Variants in DES observed in about 807,000 individuals in gnomAD.
DES encodes the protein desmin, also known as cardiomyopathy, dilated 1F (autosomal dominant).
A neutral mutation model predicts 55.1 loss-of-function variants in DES; 34 were observed. That is an observed-to-expected ratio of 0.62 (90% CI 0.47 to 0.82). The LOEUF is 0.82. DES is among the 40% of genes least tolerant of loss of function. The pLI, the probability that DES is intolerant of heterozygous loss-of-function variation, is 0.00. For synonymous variants in DES, 259 were observed against 270.8 expected, an observed-to-expected ratio of 0.96 and a Z score of 0.43; for missense variants, 596 against 645.9, an observed-to-expected ratio of 0.92 and a Z score of 0.84.
rs1285469011 is a variant in DES, at chr2:219,420,018, G to C, written c.579-77G>C. 9.2e-6 allele frequency: 14 copies of C among 1,521,716 alleles called. No homozygotes were observed. The highest frequency in any genetic ancestry group is 2.0e-4 in the Middle Eastern group (1 of 5,020). The allele number at this position is 1,521,716 out of a possible 1,614,324, so 94.3% of individuals were successfully genotyped here. A position where few individuals can be genotyped will look rare whatever the true frequency, so the allele number is the denominator to read the frequency against. Reference sequence around the variant, plus strand: ...CCGCTCTGTCCTGGACCCACCCCCTGGTCAGCCCCCGGCCAGTCGTTTCCA... The same window carrying C: ...CCGCTCTGTCCTGGACCCACCCCCTCGTCAGCCCCCGGCCAGTCGTTTCCA... On this transcript the variant is annotated intron_variant, in intron 1 of 8. Transcript: ENST00000373960. The surrounding 1 kb of genome is among the most constrained non-coding windows in gnomAD (Gnocchi z 6.0).
At chr2:219,424,210 A>T (rs1444627873) in intron 7 of DES, among the ~76,000 whole-genome samples, 1 of 152,178 alleles carries the variant, frequency 6.6e-6, no homozygotes, top group Non-Finnish European at 1.5e-5. Flanking sequence ...TCTGTTTGGC[A>T]CATTGCCAAG....
chr2:219,421,666 A>AC, intron 6 of DES, 106 bp downstream of exon 6: 1 of 1,127,240 alleles, frequency 8.9e-7, no homozygotes, highest in Non-Finnish European at 1.3e-6. Context: ...AGACCTGGAA[A>AC]CAATTTTTTT....
rs773412069 is a variant in DES, at chr2:219,420,362, T to G, written c.735+16T>G. 6.2e-7 allele frequency: 1 copy of G among 1,613,462 alleles called. No homozygotes were observed. Among genetic ancestry groups the G allele is most frequent in the Non-Finnish European group, 8.5e-7 (1 of 1,179,686 alleles). ...GCATGAAGAGGTATACCTTGGCCCCTCTTCCTGGGGTCACTGGGCCATGGG... is the reference window on the plus strand; with the variant it reads ...GCATGAAGAGGTATACCTTGGCCCCGCTTCCTGGGGTCACTGGGCCATGGG... On this transcript the variant is annotated intron_variant, in intron 3 of 8. Transcript: ENST00000373960. The surrounding 1 kb of genome is among the most constrained non-coding windows in gnomAD (Gnocchi z 6.0).
At chr2:219,421,825 C>A (rs1306818929) in intron 6 of DES, among the ~76,000 whole-genome samples, 1 of 152,108 alleles carries the variant, frequency 6.6e-6, no homozygotes, top group Non-Finnish European at 1.5e-5. Context: ...TACCACCACG[C>A]CTGGCTAATT....
At chr2:219,421,888 A>G (rs1029838621) in intron 6 of DES, among the ~76,000 whole-genome samples, 1 of 151,660 alleles carries the variant, frequency 6.6e-6, no homozygotes, top group Non-Finnish European at 1.5e-5. Context: ...CTGGTCTCGA[A>G]CTCCTGACCT....
Position 219,418,832 on chromosome 2 carries a change from G to A in DES, c.370G>A (p.Glu124Lys). The change falls in exon 1 of 9, where the codon GAG becomes AAG. Residue 124 changes from glutamate to lysine, a missense_variant. By Grantham distance (56) the Glu-to-Lys change is moderately conservative. Coordinates refer to ENST00000373960, the MANE Select transcript of DES (RefSeq NM_001927.4). Reference sequence around the variant, plus strand: ...CAATGACCGCTTCGCCAACTACATCGAGAAGGTGCGCTTCCTGGAGCAGCA... The same window carrying A: ...CAATGACCGCTTCGCCAACTACATCAAGAAGGTGCGCTTCCTGGAGCAGCA... ...ELNDRFANYI[E>K]KVRFLEQQNA... The A allele has an allele frequency of 6.3e-7, 1 of 1,582,556 alleles. No homozygotes were observed. Among genetic ancestry groups the A allele is most frequent in the Non-Finnish European group, 8.6e-7 (1 of 1,164,054 alleles).
rs1954393194 is a variant in DES at position 219,419,448 on chromosome 2, G to C, written c.578+408G>C. Among the ~76,000 whole-genome samples, 1 of 152,106 alleles carries C rather than the reference G, an allele frequency of 6.6e-6. No homozygotes were observed. The highest frequency in any genetic ancestry group is 1.5e-5 in the Non-Finnish European group (1 of 68,014). ...GAGAAGGGAGGCTGATAGGAGACAGGGAAAGCAGGGCAAGGGCCCAGAGTC... is the reference window on the plus strand; with the variant it reads ...GAGAAGGGAGGCTGATAGGAGACAGCGAAAGCAGGGCAAGGGCCCAGAGTC... On this transcript the variant is annotated intron_variant, in intron 1 of 8. Transcript: ENST00000373960. The surrounding 1 kb of genome is among the most constrained non-coding windows in gnomAD (Gnocchi z 4.3).
In DES at chr2:219,420,339, A is replaced by G. The variant is rs1410266369; in HGVS notation, c.728A>G (p.His243Arg). ...NEEIAFLKKV[H>R]EEEIRELQAQ... ...GAGATCGCGTTCCTTAAGAAAGTGC[A>G]TGAAGAGGTATACCTTGGCCCCTCT... The change falls in exon 3 of 9, where the codon CAT (histidine) becomes CGT (arginine). Residue 243 changes from histidine to arginine, a missense_variant. Coordinates refer to ENST00000373960, the MANE Select transcript of DES (RefSeq NM_001927.4). This position sits in a 1 kb window ranked among gnomAD's most constrained non-coding sequence, Gnocchi z 6.0. The G allele has an allele frequency of 1.4e-5, 23 of 1,613,932 alleles. No individual in the cohort carries two copies. Among genetic ancestry groups the G allele is most frequent in the African/African-American group, 6.7e-5 (5 of 74,896 alleles).
chr2:219,418,842 G>A lies in DES; in HGVS notation c.380G>A (p.Arg127His). The A allele has an allele frequency of 6.3e-7, 1 of 1,582,414 alleles. No homozygotes were observed. Among genetic ancestry groups the A allele is most frequent in the East Asian group, 2.3e-5 (1 of 43,540 alleles). ...TTCGCCAACTACATCGAGAAGGTGC[G>A]CTTCCTGGAGCAGCAGAACGCGGCG... ...DRFANYIEKV[R>H]FLEQQNAALA... Residue 127 changes from arginine to histidine, a missense_variant, in exon 1 of 9, where the codon CGC becomes CAC. Physicochemically the swap from Arg to His is conservative, Grantham distance 29. Transcript: ENST00000373960.
At position 219,420,906 on chromosome 2, in the gene DES, C is replaced by T. The variant is rs794728987; in HGVS notation, c.976C>T (p.His326Tyr). The T allele has an allele frequency of 6.2e-7, 1 of 1,613,986 alleles. No individual in the cohort carries two copies. Among genetic ancestry groups the T allele is most frequent in the Non-Finnish European group, 8.5e-7 (1 of 1,180,002 alleles). The change falls in exon 5 of 9, where the codon CAC becomes TAC. Residue 326 changes from histidine to tyrosine, a missense_variant. Transcript: ENST00000373960. This position sits in a 1 kb window ranked among gnomAD's most constrained non-coding sequence, Gnocchi z 6.0. ...CAAGCAGGAGATGATGGAATACCGA[C>T]ACCAGATCCAGTCCTACACCTGCGA... ...QAKQEMMEYR[H>Y]QIQSYTCEID...
chr2:219,419,075 G>A lies in DES; in HGVS notation c.578+35G>A. 2 of 1,535,704 alleles carry A rather than the reference G, an allele frequency of 1.3e-6. No homozygotes were observed. The highest frequency in any genetic ancestry group is 1.2e-5 in the South Asian group (1 of 84,026). ...CGGCACCCCAGACTCCTCTTTCTGCGGGCAGGGCACAGGAGGCTAGGCCTG... is the reference window on the plus strand; with the variant it reads ...CGGCACCCCAGACTCCTCTTTCTGCAGGCAGGGCACAGGAGGCTAGGCCTG... On this transcript the variant is annotated intron_variant, in intron 1 of 8. Coordinates refer to ENST00000373960, the MANE Select transcript of DES (RefSeq NM_001927.4). The surrounding 1 kb of genome is among the most constrained non-coding windows in gnomAD (Gnocchi z 4.3).
chr2:219,421,209 G>C (rs1954434391), intron 5 of DES, 131 bp from the exon 6 acceptor site: 2 of 1,048,274 alleles, frequency 1.9e-6, no homozygotes, highest in African/African-American at 1.6e-5. Context: ...TTCACATATA[G>C]ACTTAATTTG....
intron 5 of DES, 134 bp downstream of exon 5, chr2:219,421,087 G>A: frequency 7.4e-7 from 1 of 1,343,120 alleles, no homozygotes; most frequent in Non-Finnish European, 1.0e-6. Context: ...GGTAAAACCA[G>A]ACAAGTGGAT....
In DES at chr2:219,421,326, C is replaced by T. The variant is rs1954436833; in HGVS notation, c.1024-14C>T. ...CTCTTCCCTTCCTTGACCTGGGTTC[C>T]CCCTCTCCTGCAGAACGATTCCCTG... On this transcript the variant is annotated splice_polypyrimidine_tract_variant and intron_variant, in intron 5 of 8. Coordinates refer to ENST00000373960, the MANE Select transcript of DES (RefSeq NM_001927.4). The T allele has an allele frequency of 1.2e-6, 2 of 1,613,798 alleles. No homozygotes were observed. Among genetic ancestry groups the T allele is most frequent in the African/African-American group, 2.7e-5 (2 of 74,900 alleles).
chr2:219,421,190 T>C, intron 5 of DES, 150 bp from the exon 6 acceptor site: 2 of 961,338 alleles, frequency 2.1e-6, no homozygotes, highest in Non-Finnish European at 3.2e-6. Context: ...ATCTATTTTA[T>C]TCTGAGTGTT....
intron 6 of DES, among the ~76,000 whole-genome samples, chr2:219,423,509 C>T (rs544521205): frequency 8.6e-5 from 13 of 150,344 alleles, no homozygotes; most frequent in Admixed American, 4.6e-4. Flanking sequence ...GTGCAATCTC[C>T]GCTCACTGCA....
chr2:219,418,687 GA>G lies in DES; in HGVS notation c.226del (p.Thr76ProfsTer22), dbSNP rs1399282762. ...LGSLRASRLG[T>X]TRTPSSYGAG... ...GGTCGCTGCGGGCCAGCCGGCTGGG[GA>G]CCACCCGCACGCCCTCCTCCTACGG... On this transcript the variant is annotated frameshift_variant, in exon 1 of 9. Coordinates refer to ENST00000373960, the MANE Select transcript of DES (RefSeq NM_001927.4). LOFTEE classifies it high-confidence loss of function. The G allele has an allele frequency of 1.4e-5, 22 of 1,573,162 alleles. No homozygotes were observed. The highest frequency in any genetic ancestry group is 2.7e-5 in the African/African-American group (2 of 74,318).
rs1272088858 is a variant in DES, at chr2:219,421,322, G to T, written c.1024-18G>T. 3.1e-6 allele frequency: 5 copies of T among 1,613,806 alleles called. No individual in the cohort carries two copies. The African/African-American group carries it at 6.7e-5, about 22-fold the overall frequency. ...TGTCCTCTTCCCTTCCTTGACCTGGGTTCCCCCTCTCCTGCAGAACGATTC... is the reference window on the plus strand; with the variant it reads ...TGTCCTCTTCCCTTCCTTGACCTGGTTTCCCCCTCTCCTGCAGAACGATTC... On this transcript the variant is annotated intron_variant, in intron 5 of 8. Transcript: ENST00000373960.
intron 6 of DES, among the ~76,000 whole-genome samples, chr2:219,422,463 C>CTTTTTTTTTTTTTTTTTT (rs71040455): frequency 5.8e-5 from 6 of 103,496 alleles, no homozygotes; most frequent in Admixed American, 2.5e-4. Context: ...TGTTCTATAT[C>CTTTTTTTTTTTTTTTTTT]TTTTTTTTTT....
Sources: gnomAD v4.1 joint callset for allele counts (sites outside exome capture counted in the v4.1 genomes callset) on GRCh38, gnomAD v4.1.1 for gene constraint, Gnocchi (gnomAD v3.1) non-coding constraint, MANE v1.5 for transcripts, NCBI Gene and HGNC (gene_info 2026-07-23, HGNC 2026-07-21) for gene names.